Variants in ALS2 observed in about 807,000 individuals in gnomAD.
ALS2 encodes the protein alsin Rho guanine nucleotide exchange factor ALS2.
Under a neutral mutation model 203.4 loss-of-function variants are expected in ALS2, and 117 were observed. The observed-to-expected ratio is 0.58, with a 90% CI of 0.50 to 0.67. The LOEUF (loss-of-function observed/expected upper bound fraction) is 0.67. ALS2 is among the 30% of genes least tolerant of loss of function. ALS2 has a pLI of 0.00. For synonymous variants in ALS2, 718 were observed against 725.9 expected (o/e 0.99, Z 0.17); for missense variants, 1,715 against 1,989.4 (o/e 0.86, Z 2.62).
chr2:201,774,754 T>C (rs1694580340), intron 1 of ALS2, among the ~76,000 whole-genome samples: 1 of 152,220 alleles, frequency 6.6e-6, no homozygotes, highest in African/African-American at 2.4e-5. Flanking sequence ...GTATTTTTTT[T>C]CATCTACTAT....
In ALS2 at chr2:201,718,109, T is replaced by C. The variant is rs1278518901; in HGVS notation, c.3804A>G (p.Leu1268=). 4 of 1,613,570 alleles carry C rather than the reference T, an allele frequency of 2.5e-6. No individual in the cohort carries two copies. Among genetic ancestry groups the C allele is most frequent in the East Asian group, 2.2e-5 (1 of 44,824 alleles). ...KITGTYFKPS[L]YESDKDRPKV... is the part of the protein sequence containing the mutation. ...TAGGTCTGTCTTTATCACTCTCATA[T>C]AGACTAGGTTTGAAGTAGGTTCCAG... Residue 1268 remains leucine, a synonymous_variant, in exon 24 of 34, where the codon CTA becomes CTG. Coordinates refer to ENST00000264276, the MANE Select transcript of ALS2 (RefSeq NM_020919.4).
chr2:201,762,834 T>C (rs910499175), intron 3 of ALS2: 3 of 154,008 alleles, frequency 1.9e-5, no homozygotes, highest in African/African-American at 7.2e-5. Flanking sequence ...GGCAGTGGCA[T>C]CTGGGGCCAG....
intron 11 of ALS2, chr2:201,741,457 A>C (rs540882308): frequency 1.9e-6 from 1 of 535,700 alleles, no homozygotes; most frequent in Non-Finnish European, 3.3e-6. Flanking sequence ...ATATAGAAGA[A>C]AACATGATAA....
At chr2:201,738,091 G>T (rs12151455) in intron 12 of ALS2, among the ~76,000 whole-genome samples, 3 of 151,926 alleles carry the variant, frequency 2.0e-5, no homozygotes, top group African/African-American at 7.3e-5. Flanking sequence ...CTTGAGCCCA[G>T]GAGTTCCTAA....
intron 9 of ALS2, among the ~76,000 whole-genome samples, chr2:201,745,815 G>A (rs559996244): frequency 3.9e-5 from 6 of 152,144 alleles, no homozygotes. Flanking sequence ...TGGGCGTGGT[G>A]GTGGGCACCT....
intron 10 of ALS2, 93 bp from the exon 11 acceptor site, chr2:201,741,947 C>T (rs752068902): frequency 6.0e-5 from 71 of 1,180,296 alleles, no homozygotes; most frequent in Non-Finnish European, 8.3e-5. Context: ...TCTAAGACTA[C>T]TTAACCTGTT....
intron 5 of ALS2, among the ~76,000 whole-genome samples, chr2:201,756,721 C>T (rs1042649885): frequency 1.3e-5 from 2 of 152,222 alleles, no homozygotes; most frequent in African/African-American, 2.4e-5. Flanking sequence ...AAAAAGTCTG[C>T]CAAATCCTGG....
chr2:201,729,205 GGA>G, intron 13 of ALS2, 22 bp from the exon 14 acceptor site: 1 of 1,590,640 alleles, frequency 6.3e-7, no homozygotes, highest in Admixed American at 1.8e-5. Context: ...AAATTAAAGA[GGA>G]AAAAAAAAAA....
At chr2:201,704,768 T>C (rs528223206) in intron 31 of ALS2, among the ~76,000 whole-genome samples, 165 bp from the exon 32 acceptor site, 18 of 152,322 alleles carry the variant, frequency 1.2e-4, no homozygotes, top group Admixed American at 9.8e-4. Context: ...CATGGTGCTA[T>C]GAGAAAAGTA....
Position 201,746,583 on chromosome 2 carries a change from G to C in ALS2, c.1981C>G (p.Leu661Val). 1 of 1,614,182 alleles carries C rather than the reference G, an allele frequency of 6.2e-7. No individual in the cohort carries two copies. The highest frequency in any genetic ancestry group is 8.5e-7 in the Non-Finnish European group (1 of 1,180,022). The change falls in exon 9 of 34, where the codon CTT becomes GTT. Residue 661 changes from leucine to valine, a missense_variant. Coordinates refer to ENST00000264276, the MANE Select transcript of ALS2 (RefSeq NM_020919.4). ...ENHSGSKTPV[L>V]LSCSKLGYIS... is the part of the protein sequence containing the mutation. ...CTGTTCACCTTACTACAGGAGAGAA[G>C]TACTGGAGTCTTAGAACCACTGTGA...
chr2:201,763,466 G>A lies in ALS2; in HGVS notation c.176-1648C>T, dbSNP rs534365835. On this transcript the variant is annotated intron_variant, in intron 3 of 33. Coordinates refer to ENST00000264276, the MANE Select transcript of ALS2 (RefSeq NM_020919.4). ...CTAACTGGCCCCCAACCTCTGGAAG[G>A]AGACTGTATTCACCAAGTCTCCGTA... 19 of 278,162 alleles carry A rather than the reference G, an allele frequency of 6.8e-5. No homozygotes were observed. The East Asian group carries it at 1.2e-3, about 17-fold the overall frequency. 17.2% of individuals were successfully genotyped at this position (278,162 alleles called of 1,614,324 possible). A position where few individuals can be genotyped will look rare whatever the true frequency, so the allele number is the denominator to read the frequency against.
chr2:201,769,082 A>C (rs568241608), intron 1 of ALS2, 137 bp from the exon 2 acceptor site: 2 of 524,660 alleles, frequency 3.8e-6, no homozygotes, highest in East Asian at 6.1e-5. Flanking sequence ...AAACTATTTC[A>C]TATCTTGCCT....
chr2:201,717,190 C>A (rs1038629936), intron 24 of ALS2, among the ~76,000 whole-genome samples: 7 of 151,960 alleles, frequency 4.6e-5, no homozygotes, highest in Admixed American at 4.6e-4. Context: ...TCAGGCTGGG[C>A]GCGGTGGCTC....
In ALS2 at chr2:201,723,069, A is replaced by C. The variant is rs1690912380; in HGVS notation, c.3676T>G (p.Ser1226Ala). 2 of 1,613,254 alleles carry C rather than the reference A, an allele frequency of 1.2e-6. No homozygotes were observed. Among genetic ancestry groups the C allele is most frequent in the Non-Finnish European group, 1.7e-6 (2 of 1,179,542 alleles). ...EDDTIYEGEFSDDWTLSGKGT... is the reference protein window; with the variant it reads ...EDDTIYEGEFADDWTLSGKGT... Reference sequence around the variant, plus strand: ...TTTCCACTAAGAGTCCAGTCATCTGAAAATTCTCCTTCATAGATAGTATCA... The same window carrying C: ...TTTCCACTAAGAGTCCAGTCATCTGCAAATTCTCCTTCATAGATAGTATCA... The change falls in exon 23 of 34, where the codon TCA becomes GCA. Residue 1226 changes from serine (S) to alanine (A), a missense_variant. Around this residue, in one of 3 missense-constraint regions of ALS2, gnomAD observed 1,227 missense variants for 1,413.5 expected, o/e 0.87. Coordinates refer to ENST00000264276, the MANE Select transcript of ALS2 (RefSeq NM_020919.4).
chr2:201,744,257 C>G lies in ALS2; in HGVS notation c.2170+1G>C, dbSNP rs1692482530. The G allele has an allele frequency of 5.0e-6, 8 of 1,613,778 alleles. No individual in the cohort carries two copies. The highest frequency in any genetic ancestry group is 6.8e-6 in the Non-Finnish European group (8 of 1,179,748). ...GTGGGAGAGAGGGGGTTGCAACTTA[C>G]CTAAACTGAGAAGAGGCCTGAGAAT... On this transcript the variant is annotated splice_donor_variant, in intron 10 of 33. Coordinates refer to ENST00000264276, the MANE Select transcript of ALS2 (RefSeq NM_020919.4). LOFTEE classifies it high-confidence loss of function.
At chr2:201,724,794 T>C (rs77709457) in intron 20 of ALS2, among the ~76,000 whole-genome samples, 13,005 of 152,230 alleles carry the variant, frequency 0.085, 629 homozygotes, top group Middle Eastern at 0.12. Flanking sequence ...AGACCATTTT[T>C]TCATAAAATT....
chr2:201,746,085 C>T (rs1001094189), intron 9 of ALS2, among the ~76,000 whole-genome samples: 1 of 152,166 alleles, frequency 6.6e-6, no homozygotes, highest in African/African-American at 2.4e-5. Context: ...TGTTACTTCC[C>T]ACTTAATAGT....
chr2:201,715,850 C>A lies in ALS2; in HGVS notation c.3837-11G>T. ...TTTCCTAGCTTCCTGCTAATAAAGTCATATCAACCTTTTATTAATCATTTC... is the reference window on the plus strand; with the variant it reads ...TTTCCTAGCTTCCTGCTAATAAAGTAATATCAACCTTTTATTAATCATTTC... On this transcript the variant is annotated splice_polypyrimidine_tract_variant and intron_variant, in intron 24 of 33. Transcript: ENST00000264276. 6.2e-7 allele frequency: 1 copy of A among 1,614,006 alleles called. No homozygotes were observed. Among genetic ancestry groups the A allele is most frequent in the South Asian group, 1.1e-5 (1 of 91,044 alleles).
rs1385257359 is a variant in ALS2, at chr2:201,704,486, A to T, written c.4806T>A (p.Phe1602Leu). Reference sequence around the variant, plus strand: ...GTAGCACCACATATAAGAAAACAGGAAACAAGTCATCCATGGACCACAAGA... The same window carrying T: ...GTAGCACCACATATAAGAAAACAGGTAACAAGTCATCCATGGACCACAAGA... ...EDFLWSMDDL[F>L]PVFLYVVLRA... Residue 1602 changes from phenylalanine to leucine, a missense_variant, in exon 32 of 34, where the codon TTT becomes TTA. Transcript: ENST00000264276. 2 of 1,614,154 alleles carry T rather than the reference A, an allele frequency of 1.2e-6. No homozygotes were observed. Among genetic ancestry groups the T allele is most frequent in the Non-Finnish European group, 1.7e-6 (2 of 1,180,020 alleles).
Sources: allele counts gnomAD v4.1 joint callset (sites outside exome capture counted in the v4.1 genomes callset), GRCh38; gene constraint gnomAD v4.1.1; regional missense constraint gnomAD v4.1.1; transcripts MANE v1.5; gene names NCBI Gene and HGNC (gene_info 2026-07-23, HGNC 2026-07-21).